The following PTPRQ variants were observed in gnomAD, a reference collection of about 807,000 sequenced individuals.
PTPRQ encodes the protein phosphatidylinositol phosphatase PTPRQ.
Under a neutral mutation model 246.0 loss-of-function variants are expected in PTPRQ, and 199 were observed. That is an observed-to-expected ratio of 0.81 (90% CI 0.72 to 0.91). PTPRQ has a LOEUF of 0.91. Ranked by LOEUF, PTPRQ falls within the 40% of genes least tolerant of loss-of-function variation. The pLI, the probability that PTPRQ is intolerant of heterozygous loss-of-function variation, is 0.00. For synonymous variants in PTPRQ, 869 were observed against 853.2 expected, an observed-to-expected ratio of 1.02 and a Z score of -0.32; for missense variants, 2,624 against 2,528.4, an observed-to-expected ratio of 1.04 and a Z score of -0.81.
chr12:80,640,658 T>G (rs1247502466), intron 35 of PTPRQ, among the ~76,000 whole-genome samples: 1 of 152,234 alleles, frequency 6.6e-6, no homozygotes, highest in Non-Finnish European at 1.5e-5. Flanking sequence ...GCTGTGATTA[T>G]TTTAATCTTG....
At chr12:80,454,439 CA>C (rs1892900155) in intron 3 of PTPRQ, 5 of 681,634 alleles carry the variant, frequency 7.3e-6, no homozygotes, top group African/African-American at 7.3e-5. Flanking sequence ...GATGGAAATG[CA>C]GAAATGGATG....
At chr12:80,575,406 C>T (rs985794364) in intron 25 of PTPRQ, among the ~76,000 whole-genome samples, 3 of 151,516 alleles carry the variant, frequency 2.0e-5, no homozygotes, top group African/African-American at 4.9e-5. Context: ...GGCAATGTAG[C>T]GAGATCCCGT....
At chr12:80,636,981 C>T (rs1206764803) in intron 35 of PTPRQ, among the ~76,000 whole-genome samples, 1 of 152,002 alleles carries the variant, frequency 6.6e-6, no homozygotes, top group Admixed American at 6.6e-5. Flanking sequence ...TAGAAAAGGT[C>T]GGGTGTGGTG....
chr12:80,494,593 A>T (rs1894550446), intron 10 of PTPRQ, among the ~76,000 whole-genome samples: 1 of 151,922 alleles, frequency 6.6e-6, no homozygotes, highest in African/African-American at 2.4e-5. Context: ...TTCAGAAAAC[A>T]TTCCTAACCA....
At chr12:80,504,238 T>C (rs1050507656) in intron 14 of PTPRQ, among the ~76,000 whole-genome samples, 2 of 151,794 alleles carry the variant, frequency 1.3e-5, no homozygotes, top group African/African-American at 4.8e-5. Context: ...TCTTCAATAC[T>C]ATCATCCTTT....
rs554063806 is a variant in PTPRQ at position 80,532,026 on chromosome 12, A to G, written c.2679-1989A>G. Among the ~76,000 whole-genome samples the G allele has an allele frequency of 8.5e-5, 13 of 152,190 alleles. No individual in the cohort carries two copies. In the South Asian group the frequency reaches 2.5e-3, roughly 29 times the overall value. ...TGCCTTGATTCTGCATTATCTATGG[A>G]ACATAATCTGAGGCTTTTTTTTTAC... On this transcript the variant is annotated intron_variant, in intron 17 of 44. Coordinates refer to ENST00000644991, the MANE Select transcript of PTPRQ (RefSeq NM_001145026.2).
intron 26 of PTPRQ, chr12:80,593,816 T>A (rs1178197164): frequency 6.6e-6 from 1 of 152,118 alleles, no homozygotes; most frequent in Non-Finnish European, 1.5e-5. Context: ...GCACAATAGA[T>A]ACTTATGCTG....
intron 3 of PTPRQ, among the ~76,000 whole-genome samples, chr12:80,450,313 T>C (rs989253820): frequency 6.6e-6 from 1 of 152,214 alleles, no homozygotes; most frequent in African/African-American, 2.4e-5. Context: ...TACAATCATG[T>C]CATCTTCAAA....
chr12:80,514,472 G>A (rs1355971914), intron 17 of PTPRQ, among the ~76,000 whole-genome samples: 1 of 144,160 alleles, frequency 6.9e-6, no homozygotes, highest in African/African-American at 2.6e-5. Context: ...CTATTACCTG[G>A]CACATAATTG....
intron 35 of PTPRQ, among the ~76,000 whole-genome samples, chr12:80,637,711 G>A (rs1410392959): frequency 6.6e-6 from 1 of 152,110 alleles, no homozygotes. Flanking sequence ...TAAAACATTA[G>A]ACAATAAGAC....
chr12:80,484,565 G>T lies in PTPRQ; in HGVS notation c.1319G>T (p.Gly440Val), dbSNP rs931970398. The T allele has an allele frequency of 1.2e-5, 19 of 1,549,846 alleles. No individual in the cohort carries two copies. The highest frequency in any genetic ancestry group is 1.6e-5 in the Non-Finnish European group (18 of 1,146,538). Residue 440 changes from glycine to valine, a missense_variant, in exon 9 of 45, where the codon GGA becomes GTA. Physicochemically the swap from Gly to Val is moderately radical, Grantham distance 109 (BLOSUM62 -3). Transcript: ENST00000644991. ...GTGAAAGTGCTAGTTCCAGAGACAG[G>T]AATAATTTTGGAAAATACTTTGCTC... ...YRVKVLVPET[G>V]IILENTLLTG... is the part of the protein sequence containing the mutation.
At chr12:80,601,525 A>G (rs1488537477) in intron 26 of PTPRQ, among the ~76,000 whole-genome samples, 1 of 151,840 alleles carries the variant, frequency 6.6e-6, no homozygotes, top group East Asian at 1.9e-4. Flanking sequence ...CCAACTAAAC[A>G]TTTGGTTATA....
chr12:80,590,876 C>A (rs182105642), intron 26 of PTPRQ, among the ~76,000 whole-genome samples: 322 of 152,036 alleles, frequency 2.1e-3, no homozygotes, highest in African/African-American at 6.9e-3. Context: ...ATTCTTAGAA[C>A]TTGCATCTTT....
intron 26 of PTPRQ, among the ~76,000 whole-genome samples, chr12:80,591,091 C>T (rs1897783829): frequency 8.3e-6 from 1 of 120,798 alleles, no homozygotes; most frequent in Non-Finnish European, 1.8e-5. Context: ...TTTTTATTTG[C>T]TTGTGTTTAG....
chr12:80,655,258 A>G (rs1900394524), intron 38 of PTPRQ, among the ~76,000 whole-genome samples: 1 of 152,200 alleles, frequency 6.6e-6, no homozygotes, highest in African/African-American at 2.4e-5. Context: ...TAACTACATT[A>G]GTGACTCTGG....
chr12:80,641,660 A>G (rs1397031287), intron 35 of PTPRQ, among the ~76,000 whole-genome samples: 1 of 152,218 alleles, frequency 6.6e-6, no homozygotes, highest in Non-Finnish European at 1.5e-5. Context: ...CATTTGTCAA[A>G]GTAAGACACT....
At chr12:80,557,452 C>A (rs371292100) in intron 25 of PTPRQ, among the ~76,000 whole-genome samples, 2 of 150,602 alleles carry the variant, frequency 1.3e-5, no homozygotes, top group African/African-American at 2.5e-5. Flanking sequence ...ATCTGGCATA[C>A]GTGATAATAA....
At chr12:80,621,358 C>A (rs925488409) in intron 32 of PTPRQ, among the ~76,000 whole-genome samples, 1 of 151,828 alleles carries the variant, frequency 6.6e-6, no homozygotes, top group Non-Finnish European at 1.5e-5. Flanking sequence ...CTTCATATAA[C>A]AAATAAAATC....
At chr12:80,589,005 A>C (rs1034608078) in intron 26 of PTPRQ, among the ~76,000 whole-genome samples, 2 of 152,332 alleles carry the variant, frequency 1.3e-5, no homozygotes. Context: ...GAAAATACAG[A>C]GAAGAAACAC....
Sources: allele counts gnomAD v4.1 joint callset (sites outside exome capture counted in the v4.1 genomes callset), GRCh38; gene constraint gnomAD v4.1.1; transcripts MANE v1.5; gene names NCBI Gene and HGNC (gene_info 2026-07-23, HGNC 2026-07-21).